The following TRAK1 variants were observed in gnomAD, a reference collection of about 807,000 sequenced individuals.
TRAK1 encodes trafficking kinesin-binding protein 1.
In TRAK1, 33 loss-of-function variants were observed where a neutral mutation model predicts 92.1. That is an observed-to-expected ratio of 0.36 (90% CI 0.27 to 0.48). TRAK1 has a LOEUF of 0.48. TRAK1 is among the 20% of genes least tolerant of loss of function. The pLI is 0.99. For synonymous variants in TRAK1, 521 were observed against 517.3 expected (o/e 1.01, Z -0.10); for missense variants, 1,123 against 1,257.9 (o/e 0.89, Z 1.62).
chr3:42,113,910 AC>A (rs1482656726), intron 1 of TRAK1, among the ~76,000 whole-genome samples: 1 of 152,150 alleles, frequency 6.6e-6, no homozygotes, highest in Non-Finnish European at 1.5e-5. Flanking sequence ...CAAAATGTGC[AC>A]CCATAACCGT....
chr3:42,022,597 C>G (rs998724979), intron 1 of TRAK1, among the ~76,000 whole-genome samples: 1 of 151,898 alleles, frequency 6.6e-6, no homozygotes, highest in Non-Finnish European at 1.5e-5. Flanking sequence ...TGGTGTGCCC[C>G]AGTAGTCCCA....
At chr3:42,149,294 C>T (rs1699680544) in intron 2 of TRAK1, 2 of 1,402,588 alleles carry the variant, frequency 1.4e-6, no homozygotes, top group South Asian at 1.5e-5. Flanking sequence ...TCCGTTAGCT[C>T]TCTGCAAATT....
chr3:42,138,876 GGTGTGTGTGTGTGTGTGT>G (rs60025099), intron 2 of TRAK1, among the ~76,000 whole-genome samples: 5 of 118,774 alleles, frequency 4.2e-5, no homozygotes, highest in Non-Finnish European at 5.0e-5. Context: ...AAGCATAGGG[GGTGTGTGTGTGTGTGTGT>G]GTGTGTGTGT....
intron 1 of TRAK1, among the ~76,000 whole-genome samples, chr3:42,040,631 G>A (rs565112472): frequency 6.6e-6 from 1 of 151,402 alleles, no homozygotes; most frequent in African/African-American, 2.4e-5. Flanking sequence ...TTATTTCTGG[G>A]CCCTTAGTTC....
At chr3:42,163,355 G>A (rs1291643165) in intron 2 of TRAK1, among the ~76,000 whole-genome samples, 1 of 152,018 alleles carries the variant, frequency 6.6e-6, no homozygotes, top group Non-Finnish European at 1.5e-5. Flanking sequence ...TGGATCATGA[G>A]GTCAGGAGTT....
chr3:42,055,074 C>A (rs1333338831), intron 1 of TRAK1, among the ~76,000 whole-genome samples: 1 of 151,956 alleles, frequency 6.6e-6, no homozygotes, highest in Admixed American at 6.6e-5. Flanking sequence ...CATGTGCCAT[C>A]ATACCCAGCT....
intron 1 of TRAK1, among the ~76,000 whole-genome samples, chr3:42,051,913 C>T (rs138220555): frequency 6.6e-6 from 1 of 152,126 alleles, no homozygotes; most frequent in Non-Finnish European, 1.5e-5. Flanking sequence ...GATTTTTTTC[C>T]TTCTTAAACT....
intron 1 of TRAK1, among the ~76,000 whole-genome samples, chr3:42,110,081 C>T (rs1377830241): frequency 1.1e-5 from 1 of 95,110 alleles, no homozygotes; most frequent in Non-Finnish European, 2.1e-5. Context: ...GCACATGTAC[C>T]CTAGAACTTA....
At chr3:42,185,612 C>T (rs1050780084) in intron 4 of TRAK1, among the ~76,000 whole-genome samples, 1 of 151,838 alleles carries the variant, frequency 6.6e-6, no homozygotes, top group Non-Finnish European at 1.5e-5. Context: ...GTTCTTCTAA[C>T]AGTTAATTTT....
intron 14 of TRAK1, chr3:42,219,198 C>A (rs191214389): frequency 4.1e-6 from 4 of 985,068 alleles, no homozygotes; most frequent in Non-Finnish European, 4.8e-6. Context: ...ACCCCACCCC[C>A]CTCGCCTCCC....
chr3:42,185,117 A>G (rs1035712908), intron 4 of TRAK1, among the ~76,000 whole-genome samples: 1 of 152,170 alleles, frequency 6.6e-6, no homozygotes, highest in African/African-American at 2.4e-5. Context: ...CCTTGTCCTC[A>G]GAGAGTCTAG....
intron 2 of TRAK1, among the ~76,000 whole-genome samples, chr3:42,159,889 G>A (rs760841846): frequency 5.9e-5 from 9 of 152,178 alleles, no homozygotes; most frequent in African/African-American, 9.7e-5. Flanking sequence ...CTCCGCCAGC[G>A]CCCCACCTTT....
chr3:42,074,988 G>A (rs772713280), intron 1 of TRAK1, among the ~76,000 whole-genome samples: 2 of 152,016 alleles, frequency 1.3e-5, no homozygotes, highest in African/African-American at 2.4e-5. Context: ...AAATCACTTA[G>A]GATAATGGCC....
At chr3:42,111,056 C>T (rs1388308576) in intron 1 of TRAK1, among the ~76,000 whole-genome samples, 1 of 152,122 alleles carries the variant, frequency 6.6e-6, no homozygotes, top group African/African-American at 2.4e-5. Context: ...CTTAGCCCAC[C>T]TATCTAGGGA....
chr3:42,016,829 C>CT (rs1321076635), intron 1 of TRAK1, among the ~76,000 whole-genome samples: 1 of 152,172 alleles, frequency 6.6e-6, no homozygotes, highest in Non-Finnish European at 1.5e-5. Context: ...TTTAAACTCA[C>CT]TGAGAGTTGC....
chr3:42,149,511 T>C lies in TRAK1; in HGVS notation c.286+23897T>C, dbSNP rs1279046993. Reference sequence around the variant, plus strand: ...ACGTTGATGGTGCTGTGAAGTCCATTCTTTCCTCTGCAAGACTACTGACTA... The same window carrying C: ...ACGTTGATGGTGCTGTGAAGTCCATCCTTTCCTCTGCAAGACTACTGACTA... On this transcript the variant is annotated intron_variant, in intron 2 of 15. Transcript: ENST00000327628. 3 of 1,536,120 alleles carry C rather than the reference T, an allele frequency of 2.0e-6. No individual in the cohort carries two copies. In the Admixed American group the frequency reaches 5.9e-5, roughly 30 times the overall value.
intron 1 of TRAK1, among the ~76,000 whole-genome samples, chr3:42,115,723 T>C (rs1244964616): frequency 1.3e-5 from 2 of 152,238 alleles, no homozygotes; most frequent in Admixed American, 1.3e-4. Flanking sequence ...CTGCTTGTCC[T>C]TCTCTCTTCT....
At chr3:42,132,055 CGA>C (rs1697273448) in intron 2 of TRAK1, among the ~76,000 whole-genome samples, 1 of 151,800 alleles carries the variant, frequency 6.6e-6, no homozygotes, top group Non-Finnish European at 1.5e-5. Context: ...GGCAACAGAG[CGA>C]GACTCTGCCT....
chr3:42,160,592 A>C, intron 2 of TRAK1: 1 of 1,139,220 alleles, frequency 8.8e-7, no homozygotes, highest in Non-Finnish European at 1.2e-6. Context: ...TTGAGGTATA[A>C]GTTAGAGATC....
Sources: gnomAD v4.1 joint callset for allele counts (sites outside exome capture counted in the v4.1 genomes callset) on GRCh38, gnomAD v4.1.1 for gene constraint, MANE v1.5 for transcripts, NCBI Gene and HGNC (gene_info 2026-07-23, HGNC 2026-07-21) for gene names.